SEC61A2: variants seen among roughly 807,000 people sequenced by gnomAD.
The protein encoded by SEC61A2 is protein transport protein Sec61 subunit alpha isoform 2.
A neutral mutation model predicts 59.9 loss-of-function variants in SEC61A2; 28 were observed. The ratio of observed to expected loss-of-function variants is 0.47; its 90% CI spans 0.35 to 0.64. The LOEUF (loss-of-function observed/expected upper bound fraction) is 0.64, where lower values mean the gene tolerates loss of function less well. Among genes scored for constraint, SEC61A2 ranks in the 30% least tolerant of loss-of-function variants. SEC61A2 has a pLI of 0.01. For synonymous variants in SEC61A2, 202 were observed against 214.4 expected, an observed-to-expected ratio of 0.94 and a Z score of 0.50; for missense variants, 340 against 585.9, an observed-to-expected ratio of 0.58 and a Z score of 4.33.
chr10:12,155,962 G>T lies in SEC61A2; in HGVS notation c.616+31G>T. ...TCGCACAGCGACTGCAACTGCACGC[G>T]TTTTGCTGGATGTGTGCTGGGAACA... On this transcript the variant is annotated intron_variant, in intron 7 of 11. Coordinates refer to ENST00000298428, the MANE Select transcript of SEC61A2 (RefSeq NM_018144.4). The surrounding 1 kb of genome is among the most constrained non-coding windows in gnomAD (Gnocchi z 4.3). 1 of 1,612,892 alleles carries T rather than the reference G, an allele frequency of 6.2e-7. No homozygotes were observed. Among genetic ancestry groups the T allele is most frequent in the African/African-American group, 1.3e-5 (1 of 75,024 alleles).
chr10:12,155,735 AGTTT>A lies in SEC61A2; in HGVS notation c.463-39_463-36del, dbSNP rs768156208. ...ATGGTGTTCCTCTCCCCCTTTCTTG[AGTTT>A]GTTCTTGCTTCCGCTTACTTGCATT... On this transcript the variant is annotated intron_variant, in intron 6 of 11. Coordinates refer to ENST00000298428, the MANE Select transcript of SEC61A2 (RefSeq NM_018144.4). This position sits in a 1 kb window ranked among gnomAD's most constrained non-coding sequence, Gnocchi z 4.3. 6.2e-7 allele frequency: 1 copy of A among 1,611,106 alleles called. No individual in the cohort carries two copies. The highest frequency in any genetic ancestry group is 1.7e-4 in the Middle Eastern group (1 of 6,056).
At chr10:12,131,170 C>A (rs1197544382) in intron 1 of SEC61A2, among the ~76,000 whole-genome samples, 8 of 152,190 alleles carry the variant, frequency 5.3e-5, no homozygotes, top group African/African-American at 1.9e-4. Context: ...GAAACTCCGT[C>A]TCGAAATAAA....
downstream of SEC61A2, chr10:12,167,479 GC>G: frequency 2.1e-6 from 1 of 474,568 alleles, no homozygotes; most frequent in Non-Finnish European, 3.8e-6. Flanking sequence ...AAACATACTT[GC>G]ATTTATATTC....
intron 3 of SEC61A2, among the ~76,000 whole-genome samples, chr10:12,141,046 C>T (rs1389615418): frequency 6.6e-6 from 1 of 152,022 alleles, no homozygotes; most frequent in Admixed American, 6.6e-5. Flanking sequence ...ATTACAGGCA[C>T]GAGCCGCCAC....
chr10:12,139,473 A>T (rs914565286), intron 3 of SEC61A2, among the ~76,000 whole-genome samples: 9 of 150,916 alleles, frequency 6.0e-5, no homozygotes, highest in Admixed American at 2.0e-4. Flanking sequence ...AACATGGAGA[A>T]ACCCCGTCTC....
At chr10:12,168,017 A>G, downstream of SEC61A2, 1 of 953,316 alleles carries the variant, frequency 1.0e-6, no homozygotes, top group Non-Finnish European at 1.4e-6. The surrounding 1 kb of genome is among the most constrained non-coding windows in gnomAD (Gnocchi z 4.8). Flanking sequence ...CAAGAACATC[A>G]GGGATAATGA....
At position 12,164,121 on chromosome 10, in the gene SEC61A2, ACC is replaced by A; in HGVS notation, c.1245-144_1245-143del. The A allele has an allele frequency of 1.2e-6, 1 of 808,490 alleles. No homozygotes were observed. Among genetic ancestry groups the A allele is most frequent in the East Asian group, 2.9e-5 (1 of 34,596 alleles). The allele number at this position is 808,490 out of a possible 1,614,324, so 50.1% of individuals were successfully genotyped here. ...CCTGTTCCCATGCCGTGCCCTGCAC[ACC>A]CCTCCACACTGCAGCCTGTTCCCTC... On this transcript the variant is annotated intron_variant, in intron 11 of 11. Coordinates refer to ENST00000298428, the MANE Select transcript of SEC61A2 (RefSeq NM_018144.4). The surrounding 1 kb of genome is among the most constrained non-coding windows in gnomAD (Gnocchi z 7.3).
At position 12,162,739 on chromosome 10, in the gene SEC61A2, A is replaced by C. The variant is rs562827806; in HGVS notation, c.1244+450A>C. 3.3e-5 allele frequency among the ~76,000 whole-genome samples: 5 copies of C among 152,350 alleles called. No individual in the cohort carries two copies. The highest frequency in any genetic ancestry group is 1.2e-4 in the African/African-American group (5 of 41,576). ...TTAGTATATTCAGACTTGTACAGTC[A>C]TAAGTTTAAACACATTTTCACCACC... On this transcript the variant is annotated intron_variant, in intron 11 of 11. Coordinates refer to ENST00000298428, the MANE Select transcript of SEC61A2 (RefSeq NM_018144.4). This position sits in a 1 kb window ranked among gnomAD's most constrained non-coding sequence, Gnocchi z 6.1.
In SEC61A2 at chr10:12,136,182, T is replaced by C; in HGVS notation, c.141+12T>C. On this transcript the variant is annotated intron_variant, in intron 3 of 11. Coordinates refer to ENST00000298428, the MANE Select transcript of SEC61A2 (RefSeq NM_018144.4). ...TAGTGTGTTGTCAGGTATGTAACTATACTATTAAATAAATGTCTGCACCAT... is the reference window on the plus strand; with the variant it reads ...TAGTGTGTTGTCAGGTATGTAACTACACTATTAAATAAATGTCTGCACCAT... 6.8e-7 allele frequency: 1 copy of C among 1,476,684 alleles called. No homozygotes were observed. The highest frequency in any genetic ancestry group is 9.5e-7 in the Non-Finnish European group (1 of 1,055,374). The allele number at this position is 1,476,684 out of a possible 1,614,324, so 91.5% of individuals were successfully genotyped here. A position where few individuals can be genotyped will look rare whatever the true frequency, so the allele number is the denominator to read the frequency against.
rs1834450999 is a variant in SEC61A2, at chr10:12,158,198, T to C, written c.975+93T>C. ...ATGGAATGAGGTCGACATTGGAGCA[T>C]TTGCTGTATTTTCAGATTCACTTAC... On this transcript the variant is annotated intron_variant, in intron 9 of 11. Transcript: ENST00000298428. This position sits in a 1 kb window ranked among gnomAD's most constrained non-coding sequence, Gnocchi z 5.7. 5 of 991,660 alleles carry C rather than the reference T, an allele frequency of 5.0e-6. No individual in the cohort carries two copies. The South Asian group carries it at 6.3e-5, about 12-fold the overall frequency. The allele number at this position is 991,660 out of a possible 1,614,324, so 61.4% of individuals were successfully genotyped here.
chr10:12,148,004 G>A (rs1175338444), intron 4 of SEC61A2, among the ~76,000 whole-genome samples: 2 of 150,542 alleles, frequency 1.3e-5, no homozygotes, highest in African/African-American at 4.9e-5. Context: ...GCAGTGGCAC[G>A]ATCTCGGCTC....
chr10:12,131,792 G>A (rs1237087250), intron 1 of SEC61A2, among the ~76,000 whole-genome samples: 1 of 136,106 alleles, frequency 7.3e-6, no homozygotes, highest in Admixed American at 8.0e-5. Flanking sequence ...CTGGGGTCAC[G>A]CCATTCTCCT....
chr10:12,130,367 G>C (rs888114842), intron 1 of SEC61A2, among the ~76,000 whole-genome samples: 3 of 152,114 alleles, frequency 2.0e-5, no homozygotes, highest in Non-Finnish European at 4.4e-5. Context: ...GGCCCTCCCC[G>C]TAACACTCAA....
Position 12,149,497 on chromosome 10 carries a change from G to A in SEC61A2, c.221-98G>A, listed in dbSNP as rs939719253. 7.5e-6 allele frequency: 9 copies of A among 1,192,254 alleles called. No individual in the cohort carries two copies. Among genetic ancestry groups the A allele is most frequent in the East Asian group, 7.3e-5 (3 of 40,860 alleles). The allele number at this position is 1,192,254 out of a possible 1,614,324, so 73.9% of individuals were successfully genotyped here. Reference sequence around the variant, plus strand: ...AAAATTTGCTTGTTAAAATTTTCACGTGTGTTTCAGTTGAGGTAATTAGGG... The same window carrying A: ...AAAATTTGCTTGTTAAAATTTTCACATGTGTTTCAGTTGAGGTAATTAGGG... On this transcript the variant is annotated intron_variant, in intron 4 of 11. Transcript: ENST00000298428. This position sits in a 1 kb window ranked among gnomAD's most constrained non-coding sequence, Gnocchi z 5.2.
At chr10:12,167,449 A>G, downstream of SEC61A2, 1 of 386,212 alleles carries the variant, frequency 2.6e-6, no homozygotes, top group Non-Finnish European at 4.7e-6. Flanking sequence ...ACTGCTGTTG[A>G]GCTTTAAAAA....
At chr10:12,139,075 T>C (rs1037627441) in intron 3 of SEC61A2, among the ~76,000 whole-genome samples, 2 of 152,080 alleles carry the variant, frequency 1.3e-5, no homozygotes, top group African/African-American at 4.8e-5. Flanking sequence ...GATTCTCCTA[T>C]CTCAGCCTCC....
rs917516972 is a variant in SEC61A2 at position 12,153,673 on chromosome 10, A to G, written c.463-2105A>G. On this transcript the variant is annotated intron_variant, in intron 6 of 11. Transcript: ENST00000298428. This position sits in a 1 kb window ranked among gnomAD's most constrained non-coding sequence, Gnocchi z 5.2. ...TGTTATGGCTAATTCTTCTAATGTT[A>G]ATATATAAAGAGGGGTGTCATGTTT... is the stretch of plus-strand genomic sequence containing the variant. The G allele has an allele frequency of 1.0e-5, 16 of 1,557,486 alleles. No individual in the cohort carries two copies. In the Admixed American group the frequency reaches 1.7e-4, roughly 17 times the overall value.
rs1021063151 is a variant in SEC61A2 at position 12,142,411 on chromosome 10, T to A, written c.142-706T>A. 2.5e-6 allele frequency: 1 copy of A among 396,790 alleles called. No individual in the cohort carries two copies. Among genetic ancestry groups the A allele is most frequent in the Non-Finnish European group, 3.4e-6 (1 of 292,172 alleles). 24.6% of individuals were successfully genotyped at this position (396,790 alleles called of 1,614,324 possible). On this transcript the variant is annotated intron_variant, in intron 3 of 11. Coordinates refer to ENST00000298428, the MANE Select transcript of SEC61A2 (RefSeq NM_018144.4). This position sits in a 1 kb window ranked among gnomAD's most constrained non-coding sequence, Gnocchi z 5.4. ...TTTATATTTAGTTTTATGACATAAGTACTTCTTCCATGTTATTACAGATTG... is the reference window on the plus strand; with the variant it reads ...TTTATATTTAGTTTTATGACATAAGAACTTCTTCCATGTTATTACAGATTG...
Position 12,164,602 on chromosome 10 carries a change from C to T in SEC61A2, c.*148C>T, listed in dbSNP as rs950792463. 6.9e-7 allele frequency: 1 copy of T among 1,444,150 alleles called. No individual in the cohort carries two copies. Among genetic ancestry groups the T allele is most frequent in the Admixed American group, 2.9e-5 (1 of 34,240 alleles). 89.5% of individuals were successfully genotyped at this position (1,444,150 alleles called of 1,614,324 possible). ...ACCCGTTTCTGAAATGGGCACCGAG[C>T]TAAGTCTGTGTGCAGCATTAGTACC... On this transcript the variant is annotated 3_prime_UTR_variant, in exon 12 of 12. Transcript: ENST00000298428. The surrounding 1 kb of genome is among the most constrained non-coding windows in gnomAD (Gnocchi z 7.3).
Sources: allele counts gnomAD v4.1 joint callset (sites outside exome capture counted in the v4.1 genomes callset), GRCh38; gene constraint gnomAD v4.1.1; non-coding constraint Gnocchi (gnomAD v3.1); transcripts MANE v1.5; gene names NCBI Gene and HGNC (gene_info 2026-07-23, HGNC 2026-07-21).